Variants in PRR16 observed in about 807,000 individuals in gnomAD.
The protein encoded by PRR16 is proline rich 16.
In PRR16, 6 loss-of-function variants were observed where a neutral mutation model predicts 18.2. That is an observed-to-expected ratio of 0.33 (90% CI 0.18 to 0.65). PRR16 has a LOEUF of 0.65. PRR16 is among the 30% of genes least tolerant of loss of function. The probability of loss-of-function intolerance (pLI) is 0.74; values close to 1 mark genes in which losing one functional copy is unlikely to be tolerated. For synonymous variants in PRR16, 151 were observed against 147.8 expected, an observed-to-expected ratio of 1.02 and a Z score of -0.16; for missense variants, 412 against 376.6, an observed-to-expected ratio of 1.09 and a Z score of -0.78.
intron 1 of PRR16, chr5:120,616,979 C>A: frequency 3.9e-6 from 1 of 257,324 alleles, no homozygotes; most frequent in Non-Finnish European, 6.1e-6. Flanking sequence ...CCTATTCCTT[C>A]ATGACGAATG....
chr5:120,787,033 G>A, the PRR16 span, among the ~76,000 whole-genome samples: 1 of 152,064 alleles, frequency 6.6e-6, no homozygotes. Context: ...CAATTAACCC[G>A]TTGATATGAA....
chr5:120,571,984 A>G (rs146020587), intron 1 of PRR16, among the ~76,000 whole-genome samples: 463 of 152,256 alleles, frequency 3.0e-3, no homozygotes, highest in Non-Finnish European at 5.4e-3. Flanking sequence ...ACCTCCCAAC[A>G]TGGGCTTCCC....
chr5:120,652,805 A>G lies in PRR16; in HGVS notation c.160-33149A>G, dbSNP rs544941368. On this transcript the variant is annotated intron_variant, in intron 1 of 1. Coordinates refer to ENST00000407149, the MANE Select transcript of PRR16 (RefSeq NM_001300783.2). ...TCTCAGTGAAGTATGGGCATTAGAT[A>G]ATAATAATATTAATATATTTATATT... Among the ~76,000 whole-genome samples, 38 of 152,030 alleles carry G rather than the reference A, an allele frequency of 2.5e-4. No individual in the cohort carries two copies. The South Asian group carries it at 6.4e-3, about 26-fold the overall frequency.
chr5:120,498,150 T>C (rs998378608), intron 1 of PRR16, among the ~76,000 whole-genome samples: 2 of 151,372 alleles, frequency 1.3e-5, no homozygotes, highest in African/African-American at 4.8e-5. Context: ...TGAAAATTTT[T>C]AGAAGTTTAT....
chr5:120,596,137 T>G (rs1349482971), intron 1 of PRR16, among the ~76,000 whole-genome samples: 1 of 48,430 alleles, frequency 2.1e-5, no homozygotes, highest in African/African-American at 1.2e-4. Flanking sequence ...TTTTATCTCT[T>G]GTCTTTTTTT....
the PRR16 span, among the ~76,000 whole-genome samples, chr5:120,737,664 T>TAA: frequency 2.0e-5 from 3 of 151,832 alleles, no homozygotes; most frequent in East Asian, 5.8e-4. Context: ...TGGAAGAGTT[T>TAA]GAAAAGGATT....
At chr5:120,665,072 A>G (rs969936320) in intron 1 of PRR16, among the ~76,000 whole-genome samples, 2 of 141,708 alleles carry the variant, frequency 1.4e-5, no homozygotes, top group Non-Finnish European at 3.2e-5. Flanking sequence ...CAGTCCCACC[A>G]ACAGTGTAAA....
At chr5:120,775,540 C>G in the PRR16 span, among the ~76,000 whole-genome samples, 1 of 151,874 alleles carries the variant, frequency 6.6e-6, no homozygotes, top group Non-Finnish European at 1.5e-5. Flanking sequence ...ACCTGCTATT[C>G]CTGATTCTGT....
chr5:120,667,324 G>C (rs867074415), intron 1 of PRR16, among the ~76,000 whole-genome samples: 583 of 143,822 alleles, frequency 4.1e-3, no homozygotes, highest in African/African-American at 0.014. Context: ...TTTTTATTGT[G>C]TCTATTTGAT....
intron 1 of PRR16, among the ~76,000 whole-genome samples, chr5:120,666,889 A>G (rs1438473616): frequency 3.4e-5 from 5 of 146,350 alleles, no homozygotes; most frequent in Admixed American, 1.4e-4. Flanking sequence ...TTTTGCATCA[A>G]TGTTCATCAA....
intron 1 of PRR16, among the ~76,000 whole-genome samples, chr5:120,671,570 T>C (rs1756606457): frequency 6.6e-6 from 1 of 152,190 alleles, no homozygotes; most frequent in East Asian, 1.9e-4. Context: ...GATACTAAGA[T>C]AATTTAAGCA....
chr5:120,623,392 G>A (rs116156334), intron 1 of PRR16, among the ~76,000 whole-genome samples: 6 of 152,212 alleles, frequency 3.9e-5, no homozygotes, highest in Non-Finnish European at 8.8e-5. Flanking sequence ...CAAAGTGGGA[G>A]GTACTTCAGT....
At chr5:120,595,543 T>A (rs1002417286) in intron 1 of PRR16, among the ~76,000 whole-genome samples, 3 of 151,826 alleles carry the variant, frequency 2.0e-5, no homozygotes, top group Non-Finnish European at 4.4e-5. Context: ...AGTGTGACAA[T>A]TTATGAGGGA....
chr5:120,664,002 A>C (rs1182749414), intron 1 of PRR16, among the ~76,000 whole-genome samples: 1 of 152,136 alleles, frequency 6.6e-6, no homozygotes, highest in Non-Finnish European at 1.5e-5. Context: ...AATGTGTAAA[A>C]AACTGGACAA....
At chr5:120,517,945 G>C (rs901794094) in intron 1 of PRR16, among the ~76,000 whole-genome samples, 1 of 152,132 alleles carries the variant, frequency 6.6e-6, no homozygotes, top group Non-Finnish European at 1.5e-5. Context: ...AAATGCATCA[G>C]TATTTTTCCA....
At chr5:120,792,256 G>A in the PRR16 span, among the ~76,000 whole-genome samples, 1 of 152,164 alleles carries the variant, frequency 6.6e-6, no homozygotes, top group Non-Finnish European at 1.5e-5. Flanking sequence ...AAATGATCAG[G>A]CCTGCTCTTC....
intron 1 of PRR16, among the ~76,000 whole-genome samples, chr5:120,523,036 T>C (rs569301294): frequency 1.3e-5 from 2 of 152,328 alleles, no homozygotes; most frequent in South Asian, 4.1e-4. Context: ...GTTATCTGCT[T>C]TTTGACTTAA....
At chr5:120,647,448 G>A (rs568036184) in intron 1 of PRR16, among the ~76,000 whole-genome samples, 2 of 152,036 alleles carry the variant, frequency 1.3e-5, no homozygotes, top group South Asian at 4.2e-4. Context: ...ACAAATATCA[G>A]TCTCTACCAA....
At chr5:120,668,455 T>C (rs1181789564) in intron 1 of PRR16, among the ~76,000 whole-genome samples, 1 of 151,382 alleles carries the variant, frequency 6.6e-6, no homozygotes, top group Non-Finnish European at 1.5e-5. Context: ...TCCATTTACA[T>C]TTAAAGTTAA....
Sources: gnomAD v4.1 joint callset for allele counts (sites outside exome capture counted in the v4.1 genomes callset) on GRCh38, gnomAD v4.1.1 for gene constraint, MANE v1.5 for transcripts, NCBI Gene and HGNC (gene_info 2026-07-23, HGNC 2026-07-21) for gene names.